The following KCNQ3 variants were observed in gnomAD, a reference collection of about 807,000 sequenced individuals.
KCNQ3 encodes the protein potassium voltage-gated channel subfamily Q member 3, also known as potassium voltage-gated channel subfamily KQT member 3.
KCNQ3 carries 30 observed loss-of-function variants against 92.5 expected under a neutral mutation model. The observed-to-expected ratio is 0.32, with a 90% CI of 0.24 to 0.44. The LOEUF is 0.44. KCNQ3 is among the 20% of genes least tolerant of loss of function. The pLI, the probability that KCNQ3 is intolerant of heterozygous loss-of-function variation, is 1.00. For missense variants in KCNQ3, 913 were observed against 1,140.3 expected (o/e 0.80, Z 2.87); for synonymous variants, 450 against 468.8 (o/e 0.96, Z 0.52).
chr8:132,448,502 G>GAAAAAAAAAAAAAAAAAAAAAGGGAAAA (rs1821744773), intron 1 of KCNQ3, among the ~76,000 whole-genome samples: 1 of 93,884 alleles, frequency 1.1e-5, no homozygotes, highest in South Asian at 4.0e-4. Context: ...GGAGAAATAT[G>GAAAAAAAAAAAAAAAAAAAAAGGGAAAA]AAAAAAAAAA....
chr8:132,354,268 AC>A (rs2130710040), intron 1 of KCNQ3, among the ~76,000 whole-genome samples: 1 of 152,294 alleles, frequency 6.6e-6, no homozygotes, highest in Admixed American at 6.5e-5. Context: ...CAGGGTCTCC[AC>A]CCCCATAGGT....
chr8:132,448,216 G>A (rs1027082657), intron 1 of KCNQ3, among the ~76,000 whole-genome samples: 1 of 152,132 alleles, frequency 6.6e-6, no homozygotes, highest in Admixed American at 6.5e-5. Context: ...TAAGGGTTCT[G>A]CAGTAGGCAC....
At chr8:132,224,437 T>C (rs765336680) in intron 1 of KCNQ3, among the ~76,000 whole-genome samples, 2 of 152,078 alleles carry the variant, frequency 1.3e-5, no homozygotes, top group Non-Finnish European at 2.9e-5. Context: ...CTATATGTAC[T>C]TGAAAGTAAG....
intron 9 of KCNQ3, among the ~76,000 whole-genome samples, chr8:132,149,700 G>A (rs1181054860): frequency 1.3e-5 from 2 of 152,198 alleles, no homozygotes; most frequent in Admixed American, 6.5e-5. Flanking sequence ...GCGCGGGACA[G>A]TTGGGCCAGG....
intron 1 of KCNQ3, among the ~76,000 whole-genome samples, chr8:132,383,130 C>T (rs1216735707): frequency 1.3e-5 from 2 of 152,166 alleles, no homozygotes; most frequent in Non-Finnish European, 1.5e-5. Flanking sequence ...CCAAACCATC[C>T]CTTTGCCTGC....
intron 1 of KCNQ3, among the ~76,000 whole-genome samples, chr8:132,271,999 G>A (rs1377555116): frequency 1.3e-5 from 2 of 152,168 alleles, no homozygotes; most frequent in African/African-American, 4.8e-5. Flanking sequence ...TTCCTGGCCT[G>A]AATGGAAGCA....
chr8:132,224,854 T>C (rs1276093893), intron 1 of KCNQ3, among the ~76,000 whole-genome samples: 1 of 152,194 alleles, frequency 6.6e-6, no homozygotes, highest in South Asian at 2.1e-4. Context: ...TTCAACTAAT[T>C]GGAAGAAGAA....
chr8:132,334,266 A>C (rs907721761), intron 1 of KCNQ3, among the ~76,000 whole-genome samples: 1 of 151,860 alleles, frequency 6.6e-6, no homozygotes, highest in African/African-American at 2.4e-5. Context: ...TGAGGTCAGG[A>C]GTTCGAGACC....
At chr8:132,418,499 T>C (rs1820880329) in intron 1 of KCNQ3, among the ~76,000 whole-genome samples, 2 of 152,132 alleles carry the variant, frequency 1.3e-5, no homozygotes, top group African/African-American at 4.8e-5. Flanking sequence ...ATTTAAAAAG[T>C]AGATGGCCGG....
intron 1 of KCNQ3, among the ~76,000 whole-genome samples, chr8:132,366,974 T>G (rs1819340000): frequency 6.6e-6 from 1 of 152,212 alleles, no homozygotes; most frequent in Non-Finnish European, 1.5e-5. Flanking sequence ...AAAAAAACTT[T>G]GGAAGTTTTT....
At chr8:132,177,983 T>G (rs1428883477) in intron 4 of KCNQ3, among the ~76,000 whole-genome samples, 2 of 152,232 alleles carry the variant, frequency 1.3e-5, no homozygotes, top group Non-Finnish European at 2.9e-5. Context: ...GGAAACAGTC[T>G]CTGCCTCACT....
intron 14 of KCNQ3, among the ~76,000 whole-genome samples, chr8:132,130,949 G>A (rs1824860393): frequency 6.6e-6 from 1 of 152,132 alleles, no homozygotes; most frequent in African/African-American, 2.4e-5. Context: ...TTACAGGTGA[G>A]GATATGAGCA....
chr8:132,246,970 T>C (rs1195386890), intron 1 of KCNQ3, among the ~76,000 whole-genome samples: 1 of 152,216 alleles, frequency 6.6e-6, no homozygotes, highest in Non-Finnish European at 1.5e-5. Context: ...TATAAAGTAC[T>C]TGCCAATAGC....
chr8:132,276,466 C>T (rs1053059047), intron 1 of KCNQ3, among the ~76,000 whole-genome samples: 1 of 152,158 alleles, frequency 6.6e-6, no homozygotes, highest in Admixed American at 6.5e-5. Context: ...CCAGCCCCTG[C>T]AATGGGCTCT....
At chr8:132,168,583 G>A (rs1379544980) in intron 8 of KCNQ3, among the ~76,000 whole-genome samples, 2 of 152,084 alleles carry the variant, frequency 1.3e-5, no homozygotes, top group Admixed American at 1.3e-4. Context: ...TGGAGGTCAT[G>A]GTCAGGTTTT....
Position 132,168,715 on chromosome 8 carries a change from ATATGTGTGTGTGTGTGTGTG to A in KCNQ3, c.1235+1599_1235+1618del, listed in dbSNP as rs1422955527. 8.5e-3 allele frequency among the ~76,000 whole-genome samples: 1,138 copies of A among 134,514 alleles called. 30 individuals carry two copies. The highest frequency in any genetic ancestry group is 0.03 in the African/African-American group (1,074 of 35,250). The allele number at this position is 134,514 out of a possible 152,430, so 88.2% of individuals were successfully genotyped here. On this transcript the variant is annotated intron_variant, in intron 8 of 14. Coordinates refer to ENST00000388996, the MANE Select transcript of KCNQ3 (RefSeq NM_004519.4). ...TAGAAAGAGAAATTGAGGATAATGA[ATATGTGTGTGTGTGTGTGTG>A]TGTGTGTGTGTGTGTGTGTGTGTGT...
chr8:132,297,203 C>T (rs1200107624), intron 1 of KCNQ3, among the ~76,000 whole-genome samples: 3 of 152,174 alleles, frequency 2.0e-5, no homozygotes, highest in African/African-American at 7.2e-5. Context: ...TGAGAAGTGT[C>T]TGTTCATATC....
chr8:132,273,689 T>A (rs191036584), intron 1 of KCNQ3, among the ~76,000 whole-genome samples: 44 of 152,312 alleles, frequency 2.9e-4, no homozygotes, highest in African/African-American at 1.0e-3. Flanking sequence ...GCTTCCCTTA[T>A]AAAACTGAAT....
intron 1 of KCNQ3, among the ~76,000 whole-genome samples, chr8:132,384,345 C>G (rs1819837802): frequency 6.6e-6 from 1 of 152,166 alleles, no homozygotes; most frequent in South Asian, 2.1e-4. Context: ...GATTTCTTCA[C>G]AAGAAGAGCA....
Sources: gnomAD v4.1 joint callset for allele counts (sites outside exome capture counted in the v4.1 genomes callset) on GRCh38, gnomAD v4.1.1 for gene constraint, MANE v1.5 for transcripts, NCBI Gene and HGNC (gene_info 2026-07-23, HGNC 2026-07-21) for gene names.